Variants in HOXC5 observed in about 807,000 individuals in gnomAD.
HOXC5 encodes the protein homeobox C5, also known as homeobox protein Hox-C5.
In HOXC5, 19 loss-of-function variants were observed where a neutral mutation model predicts 20.1. The ratio of observed to expected loss-of-function variants is 0.94; its 90% CI spans 0.66 to 1.38. HOXC5 has a LOEUF of 1.38. Among genes scored for constraint, HOXC5 ranks in the 40% most tolerant of loss-of-function variants. HOXC5 has a pLI of 0.00. For synonymous variants in HOXC5, 124 were observed against 117.0 expected (o/e 1.06, Z -0.39); for missense variants, 330 against 300.1 (o/e 1.10, Z -0.74).
chr12:54,032,992 T>G (rs1941044186), upstream of HOXC5: 1 of 705,488 alleles, frequency 1.4e-6, no homozygotes, highest in East Asian at 2.7e-5. Flanking sequence ...GAAGAGCGCA[T>G]AGGATAAAGA....
upstream of HOXC5, among the ~76,000 whole-genome samples, chr12:54,031,773 G>A (rs12578935): frequency 0.023 from 3,567 of 152,260 alleles, 179 homozygotes; most frequent in East Asian, 0.19. Flanking sequence ...AAGCAGGCAG[G>A]GAAGTATGAG....
the HOXC5 span, chr12:54,017,439 A>G: frequency 6.7e-6 from 1 of 149,158 alleles, no homozygotes; most frequent in Non-Finnish European, 1.5e-5. Context: ...ATTGGTTCAA[A>G]TATGTAACTA....
At chr12:54,028,736 A>G (rs1019262882), upstream of HOXC5, 2 of 1,614,114 alleles carry the variant, frequency 1.2e-6, no homozygotes, top group Non-Finnish European at 1.7e-6. Context: ...CCGTATGACT[A>G]TGGATCTAAT....
chr12:54,019,572 G>A, the HOXC5 span, among the ~76,000 whole-genome samples: 1 of 152,166 alleles, frequency 6.6e-6, no homozygotes, highest in Non-Finnish European at 1.5e-5. Context: ...GCTGATGGGG[G>A]GGAACACAAG....
the HOXC5 span, chr12:54,021,987 A>T: frequency 6.6e-6 from 1 of 152,254 alleles, no homozygotes; most frequent in South Asian, 2.1e-4. Flanking sequence ...ATAGTCTTAA[A>T]ACAGGGCAGC....
upstream of HOXC5, chr12:54,029,756 C>T (rs759420807): frequency 6.2e-7 from 1 of 1,614,154 alleles, no homozygotes; most frequent in Non-Finnish European, 8.5e-7. Flanking sequence ...CTACCTAACG[C>T]GGCGCCGGCG....
chr12:54,033,061 A>G lies in HOXC5; in HGVS notation c.-62A>G. On this transcript the variant is annotated 5_prime_UTR_variant, in exon 1 of 2. Coordinates refer to ENST00000312492, the MANE Select transcript of HOXC5 (RefSeq NM_018953.4). ...GGAGAACAAAAAACCCCTCAACTTC[A>G]AAGAGTCACAAATCACCCTTAATCA... The G allele has an allele frequency of 7.2e-7, 1 of 1,396,138 alleles. No individual in the cohort carries two copies. Among genetic ancestry groups the G allele is most frequent in the South Asian group, 1.3e-5 (1 of 76,680 alleles). 86.5% of individuals were successfully genotyped at this position (1,396,138 alleles called of 1,614,324 possible).
upstream of HOXC5, among the ~76,000 whole-genome samples, chr12:54,029,328 GC>G (rs1360678301): frequency 1.3e-5 from 2 of 152,108 alleles, no homozygotes; most frequent in Non-Finnish European, 2.9e-5. Context: ...GAGAAAGGGG[GC>G]CCTCATCCCC....
the HOXC5 span, chr12:54,022,549 G>A: frequency 6.6e-6 from 1 of 151,932 alleles, no homozygotes; most frequent in African/African-American, 2.4e-5. Context: ...AGATTAAATG[G>A]TTCTTTCAGA....
chr12:54,033,664 C>A, intron 1 of HOXC5, 88 bp downstream of exon 1: 1 of 1,201,694 alleles, frequency 8.3e-7, no homozygotes, highest in Non-Finnish European at 1.1e-6. Flanking sequence ...AACCTGCGGC[C>A]ATAAATTTTA....
At chr12:54,018,569 T>A in the HOXC5 span, among the ~76,000 whole-genome samples, 2 of 152,178 alleles carry the variant, frequency 1.3e-5, no homozygotes, top group South Asian at 4.1e-4. Flanking sequence ...ACGCATATGG[T>A]TTCATAACAC....
the HOXC5 span, among the ~76,000 whole-genome samples, chr12:54,025,415 T>C: frequency 1.3e-5 from 2 of 152,000 alleles, no homozygotes; most frequent in Admixed American, 1.3e-4. Flanking sequence ...ATCGGGCTCA[T>C]CTGACCTGCT....
At chr12:54,022,584 T>C in the HOXC5 span, 3 of 152,130 alleles carry the variant, frequency 2.0e-5, no homozygotes, top group African/African-American at 7.2e-5. Flanking sequence ...AGGATAAAAT[T>C]ATTTATAGGG....
chr12:54,030,063 G>A, upstream of HOXC5: 3 of 1,211,876 alleles, frequency 2.5e-6, no homozygotes, highest in South Asian at 1.7e-5. Flanking sequence ...CAATTGATGT[G>A]TTTTGATTCC....
chr12:54,020,057 CCTT>C, the HOXC5 span: 1 of 152,382 alleles, frequency 6.6e-6, no homozygotes, highest in African/African-American at 2.4e-5. Context: ...TTTCCCTTCT[CCTT>C]CTTTCTCTCC....
the HOXC5 span, chr12:54,020,136 C>T: frequency 6.6e-6 from 1 of 152,306 alleles, no homozygotes; most frequent in South Asian, 2.1e-4. Context: ...TCCTTGCAGG[C>T]CACATTCCCT....
the HOXC5 span, chr12:54,017,025 G>A: frequency 6.6e-6 from 1 of 151,522 alleles, no homozygotes; most frequent in African/African-American, 2.4e-5. Context: ...TTCCTCCCAG[G>A]TGGAGTTGCC....
At chr12:54,017,283 T>G in the HOXC5 span, 2 of 152,158 alleles carry the variant, frequency 1.3e-5, no homozygotes, top group East Asian at 3.8e-4. Flanking sequence ...ATTTTTGAAT[T>G]TATATAAAGT....
chr12:54,034,247 T>C, intron 1 of HOXC5, 31 bp from the exon 2 acceptor site: 1 of 1,584,614 alleles, frequency 6.3e-7, no homozygotes. Context: ...TATTCACCCC[T>C]TCCTGGCTTG....
Sources: allele counts gnomAD v4.1 joint callset (sites outside exome capture counted in the v4.1 genomes callset), GRCh38; gene constraint gnomAD v4.1.1; transcripts MANE v1.5; gene names NCBI Gene and HGNC (gene_info 2026-07-23, HGNC 2026-07-21).